AAGAB: variants seen among roughly 807,000 people sequenced by gnomAD.
AAGAB encodes alpha and gamma adaptin binding protein.
Under a neutral mutation model 44.1 loss-of-function variants are expected in AAGAB, and 38 were observed. The observed-to-expected ratio is 0.86, with a 90% CI of 0.67 to 1.13. AAGAB has a LOEUF of 1.13. Ranked by LOEUF, AAGAB falls within the 50% of genes most tolerant of loss-of-function variation. The pLI is 0.00. For synonymous variants in AAGAB, 131 were observed against 131.8 expected, an observed-to-expected ratio of 0.99 and a Z score of 0.04; for missense variants, 450 against 373.8, an observed-to-expected ratio of 1.20 and a Z score of -1.68.
chr15:67,207,739 T>C (rs1434887141), intron 7 of AAGAB, among the ~76,000 whole-genome samples: 1 of 152,148 alleles, frequency 6.6e-6, no homozygotes, highest in East Asian at 1.9e-4. Flanking sequence ...CACTTCAGTG[T>C]GATTACTAGT....
chr15:67,236,783 A>C lies in AAGAB; in HGVS notation c.111T>G (p.Thr37=). ...LGTEDLIVEV[T]SNDAVRFYPW... is the part of the protein sequence containing the mutation. ...GATAAAATCTCACAGCATCATTGGA[A>C]GTCACTTCCACAATAAGATCTTCTG... Residue 37 remains threonine (T), a synonymous_variant, in exon 2 of 10, where the codon ACT becomes ACG. Coordinates refer to ENST00000261880, the MANE Select transcript of AAGAB (RefSeq NM_024666.5). 2 of 1,611,688 alleles carry C rather than the reference A, an allele frequency of 1.2e-6. No individual in the cohort carries two copies.
chr15:67,216,737 C>T (rs1322096504), intron 5 of AAGAB, among the ~76,000 whole-genome samples: 1 of 150,384 alleles, frequency 6.6e-6, no homozygotes, highest in African/African-American at 2.4e-5. Context: ...AATCAAAAAT[C>T]GTTCAGAACC....
intron 1 of AAGAB, among the ~76,000 whole-genome samples, chr15:67,238,734 T>C (rs1206434155): frequency 6.6e-6 from 1 of 151,200 alleles, no homozygotes; most frequent in East Asian, 2.0e-4. Flanking sequence ...CTCGCTCTGT[T>C]GCGCAGGCTG....
intron 4 of AAGAB, among the ~76,000 whole-genome samples, chr15:67,234,889 A>G (rs1246968733): frequency 6.6e-6 from 1 of 152,230 alleles, no homozygotes; most frequent in Non-Finnish European, 1.5e-5. Context: ...CAGAGTTTTT[A>G]TTTCAGTTTT....
intron 5 of AAGAB, among the ~76,000 whole-genome samples, chr15:67,223,274 C>T (rs1377629658): frequency 6.6e-6 from 1 of 152,156 alleles, no homozygotes; most frequent in Admixed American, 6.5e-5. Flanking sequence ...TGGCTACCTG[C>T]TATCTCCACT....
At chr15:67,212,231 CG>C (rs1263851310) in intron 5 of AAGAB, among the ~76,000 whole-genome samples, 1 of 152,032 alleles carries the variant, frequency 6.6e-6, no homozygotes, top group African/African-American at 2.4e-5. Flanking sequence ...CTGGGAGGGA[CG>C]GGAGTTAGGA....
rs748533201 is a variant in AAGAB at position 67,203,576 on chromosome 15, T to C, written c.842A>G (p.His281Arg). 6.2e-7 allele frequency: 1 copy of C among 1,613,778 alleles called. No individual in the cohort carries two copies. The change falls in exon 9 of 10, where the codon CAT (histidine) becomes CGT (arginine). Residue 281 changes from histidine to arginine, a missense_variant. His to Arg is a conservative substitution (Grantham distance 29). Coordinates refer to ENST00000261880, the MANE Select transcript of AAGAB (RefSeq NM_024666.5). Reference protein sequence around the residue: ...EMKDKAATLPHEQRKVHAEKV... With the variant: ...EMKDKAATLPREQRKVHAEKV... ...TTCTGCATGCACTTTTCTTTGCTCA[T>C]GAGGAAGCGTCGCAGCCTTGTCTAG... is the stretch of plus-strand genomic sequence containing the variant.
intron 5 of AAGAB, among the ~76,000 whole-genome samples, chr15:67,228,443 T>A (rs1293288585): frequency 6.6e-6 from 1 of 152,204 alleles, no homozygotes; most frequent in Non-Finnish European, 1.5e-5. Flanking sequence ...AATCTCCTTA[T>A]TGTGGCTATG....
chr15:67,239,031 T>A (rs1964535350), intron 1 of AAGAB, among the ~76,000 whole-genome samples: 1 of 152,200 alleles, frequency 6.6e-6, no homozygotes, highest in African/African-American at 2.4e-5. Flanking sequence ...AAACTGAGTA[T>A]TTTTTAAAGG....
chr15:67,208,694 C>T (rs1264835033), intron 6 of AAGAB, 36 bp from the exon 7 acceptor site: 7 of 1,586,020 alleles, frequency 4.4e-6, no homozygotes, highest in Admixed American at 1.7e-5. Context: ...ACAATTTAAT[C>T]GTAGTCTATT....
chr15:67,233,029 T>A (rs1964377306), intron 4 of AAGAB, among the ~76,000 whole-genome samples: 1 of 152,204 alleles, frequency 6.6e-6, no homozygotes, highest in Non-Finnish European at 1.5e-5. Flanking sequence ...AATGTTAGAT[T>A]CCACTTATTA....
At chr15:67,252,588 T>C (rs1192768687) in intron 1 of AAGAB, among the ~76,000 whole-genome samples, 1 of 152,198 alleles carries the variant, frequency 6.6e-6, no homozygotes, top group Admixed American at 6.5e-5. Context: ...TATTTTCTTT[T>C]CTCTGTATGC....
intron 1 of AAGAB, among the ~76,000 whole-genome samples, chr15:67,243,255 G>A (rs1488417388): frequency 6.6e-6 from 1 of 152,084 alleles, no homozygotes; most frequent in Non-Finnish European, 1.5e-5. Flanking sequence ...AAGGGAGAGA[G>A]AATATGGAGA....
At chr15:67,248,236 A>G (rs1197096283) in intron 1 of AAGAB, among the ~76,000 whole-genome samples, 2 of 152,192 alleles carry the variant, frequency 1.3e-5, no homozygotes, top group Non-Finnish European at 2.9e-5. Context: ...ATTAAGTATC[A>G]TAGCTAAAAA....
intron 5 of AAGAB, among the ~76,000 whole-genome samples, chr15:67,215,022 T>A (rs988575356): frequency 3.3e-5 from 5 of 152,062 alleles, no homozygotes; most frequent in Admixed American, 2.0e-4. Flanking sequence ...ACTCAATCAT[T>A]CTCTCTTGTC....
intron 5 of AAGAB, chr15:67,221,263 CATTG>C: frequency 6.6e-6 from 1 of 152,350 alleles, no homozygotes; most frequent in South Asian, 2.1e-4. Context: ...GAAAATACAT[CATTG>C]ACAGATAAAA....
chr15:67,209,949 A>G (rs1443874262), intron 5 of AAGAB, among the ~76,000 whole-genome samples: 1 of 152,174 alleles, frequency 6.6e-6, no homozygotes, highest in Non-Finnish European at 1.5e-5. Flanking sequence ...TACAGGCCTG[A>G]GCCACACCCC....
In AAGAB at chr15:67,204,041, T is replaced by C. The variant is rs1963628976; in HGVS notation, c.820+3A>G. The C allele has an allele frequency of 1.3e-6, 2 of 1,560,404 alleles. No homozygotes were observed. The highest frequency in any genetic ancestry group is 3.4e-5 in the Admixed American group (2 of 59,688). ...ACATATTAGACACAATGGATCTGAT[T>C]ACCTTTCATTTCCTTTAACTTTGAA... On this transcript the variant is annotated splice_donor_region_variant and intron_variant, in intron 8 of 9. Transcript: ENST00000261880.
intron 1 of AAGAB, among the ~76,000 whole-genome samples, chr15:67,250,939 A>ATG (rs1361945523): frequency 6.6e-6 from 1 of 152,190 alleles, no homozygotes; most frequent in Non-Finnish European, 1.5e-5. Context: ...AGGCAGGAGA[A>ATG]TGGCGCGAGC....
Sources: allele counts gnomAD v4.1 joint callset (sites outside exome capture counted in the v4.1 genomes callset), GRCh38; gene constraint gnomAD v4.1.1; transcripts MANE v1.5; gene names NCBI Gene and HGNC (gene_info 2026-07-23, HGNC 2026-07-21).